The following CTTN variants were observed in gnomAD, a reference collection of about 807,000 sequenced individuals.
CTTN encodes src substrate cortactin.
Under a neutral mutation model 84.0 loss-of-function variants are expected in CTTN, and 28 were observed. The ratio of observed to expected loss-of-function variants is 0.33; its 90% CI spans 0.25 to 0.46. The LOEUF is 0.46. Among genes scored for constraint, CTTN ranks in the 20% least tolerant of loss-of-function variants. CTTN has a pLI of 1.00. For missense variants in CTTN, 641 were observed against 723.8 expected (o/e 0.89, Z 1.31); for synonymous variants, 301 against 288.8 (o/e 1.04, Z -0.43).
At chr11:70,412,939 A>G (rs1021217517) in intron 5 of CTTN, among the ~76,000 whole-genome samples, 1 of 151,792 alleles carries the variant, frequency 6.6e-6, no homozygotes, top group African/African-American at 2.4e-5. Flanking sequence ...TCTGATGAAA[A>G]CTCATGCTGG....
At chr11:70,416,936 C>A (rs1463443544) in intron 7 of CTTN, 77 bp from the exon 8 acceptor site, 21 of 1,026,724 alleles carry the variant, frequency 2.0e-5, no homozygotes, top group African/African-American at 3.2e-5. Flanking sequence ...CCCCTACACA[C>A]TTTTGCTTAG....
chr11:70,415,614 A>G lies in CTTN; in HGVS notation c.403-49A>G, dbSNP rs766704508. The G allele has an allele frequency of 2.7e-6, 4 of 1,469,258 alleles. No individual in the cohort carries two copies. In the South Asian group the frequency reaches 3.4e-5, roughly 13 times the overall value. 91.0% of individuals were successfully genotyped at this position (1,469,258 alleles called of 1,614,324 possible). On this transcript the variant is annotated intron_variant, in intron 6 of 17. Coordinates refer to ENST00000301843, the MANE Select transcript of CTTN (RefSeq NM_005231.4). Reference sequence around the variant, plus strand: ...AATTCAGAGAGATTGTTTCAGGGACATTGGAAAGTATTTCTCCCCACTTTT... The same window carrying G: ...AATTCAGAGAGATTGTTTCAGGGACGTTGGAAAGTATTTCTCCCCACTTTT...
chr11:70,420,502 C>A lies in CTTN; in HGVS notation c.782C>A (p.Ser261Tyr), dbSNP rs1409145344. 3 of 1,612,346 alleles carry A rather than the reference C, an allele frequency of 1.9e-6. No homozygotes were observed. Among genetic ancestry groups the A allele is most frequent in the Non-Finnish European group, 2.5e-6 (3 of 1,178,352 alleles). Residue 261 changes from serine (S) to tyrosine (Y), a missense_variant, in exon 10 of 18, where the codon TCC becomes TAC. By Grantham distance (144) the Ser-to-Tyr change is moderately radical (BLOSUM62 -2). This residue lies in a region of CTTN where 284 missense variants were observed against 348.4 expected (regional missense o/e 0.82). Transcript: ENST00000301843. ...CAGGAGAAATTGCAGCTGCATGAAT[C>A]CCAAAAAGGTACATTCACTCTGCCT... is the stretch of plus-strand genomic sequence containing the variant. Reference protein sequence around the residue: ...DHQEKLQLHESQKDYKTGFGG... With the variant: ...DHQEKLQLHEYQKDYKTGFGG...
At position 70,433,156 on chromosome 11, in the gene CTTN, A is replaced by T; in HGVS notation, c.1322A>T (p.Glu441Val). ...LSYRGPVSGT[E>V]PEPVYSMEAA... ...TACAGAGGCCCTGTGAGTGGGACGG[A>T]GCCGGAGCCCGTGTACAGCATGGAG... The change falls in exon 16 of 18, where the codon GAG (glutamate) becomes GTG (valine). Residue 441 changes from glutamate (E) to valine (V), a missense_variant. By Grantham distance (121) the Glu-to-Val change is moderately radical. Coordinates refer to ENST00000301843, the MANE Select transcript of CTTN (RefSeq NM_005231.4). 4 of 1,613,772 alleles carry T rather than the reference A, an allele frequency of 2.5e-6. No homozygotes were observed. The East Asian group carries it at 8.9e-5, about 36-fold the overall frequency.
In CTTN at chr11:70,433,674, A is replaced by T; in HGVS notation, c.1472A>T (p.Asn491Ile). 6.2e-7 allele frequency: 1 copy of T among 1,613,844 alleles called. No homozygotes were observed. The highest frequency in any genetic ancestry group is 2.2e-5 in the East Asian group (1 of 44,842). Residue 491 changes from asparagine (N) to isoleucine (I), a missense_variant, in exon 17 of 18, where the codon AAC becomes ATC. By Grantham distance (149) the Asn-to-Ile change is moderately radical (BLOSUM62 -3). Transcript: ENST00000301843. ...AEDSTYDEYE[N>I]DLGITAVALY... ...GACAGCACCTACGATGAGTACGAGAACGATCTGGGGATCACAGCCGTCGCC... is the reference window on the plus strand; with the variant it reads ...GACAGCACCTACGATGAGTACGAGATCGATCTGGGGATCACAGCCGTCGCC...
chr11:70,417,112 A>T lies in CTTN; in HGVS notation c.557A>T (p.Glu186Val), dbSNP rs2058172559. The change falls in exon 8 of 18, where the codon GAG becomes GTG. Residue 186 changes from glutamate (E) to valine (V), a missense_variant. Glu to Val is a moderately radical substitution (Grantham distance 121, BLOSUM62 -2). This residue lies in a region of CTTN where 284 missense variants were observed against 348.4 expected (regional missense o/e 0.82). Transcript: ENST00000301843. ...FDYQGKTEKH[E>V]SQRDYSKGFG... The stretch of plus-strand genomic sequence containing the variant: ...TACCAGGGCAAGACGGAGAAGCACG[A>T]GTCACAGAGAGGTGGGGCGGACCCC... 1 of 1,613,830 alleles carries T rather than the reference A, an allele frequency of 6.2e-7. No homozygotes were observed. The highest frequency in any genetic ancestry group is 8.5e-7 in the Non-Finnish European group (1 of 1,179,818).
Position 70,435,706 on chromosome 11 carries a change from A to G in CTTN, c.*544A>G. On this transcript the variant is annotated 3_prime_UTR_variant, in exon 18 of 18. Transcript: ENST00000301843. Reference sequence around the variant, plus strand: ...ACAGGAGCTGCCATGTCAGATGGGAAATCTGCCTATGTCATACCGTGACAG... The same window carrying G: ...ACAGGAGCTGCCATGTCAGATGGGAGATCTGCCTATGTCATACCGTGACAG... 1 of 1,597,964 alleles carries G rather than the reference A, an allele frequency of 6.3e-7. No homozygotes were observed. Among genetic ancestry groups the G allele is most frequent in the African/African-American group, 1.3e-5 (1 of 75,036 alleles).
At position 70,419,802 on chromosome 11, in the gene CTTN, A is replaced by G; in HGVS notation, c.625A>G (p.Ser209Gly). The change falls in exon 9 of 18, where the codon AGC (serine) becomes GGC (glycine). Residue 209 changes from serine to glycine, a missense_variant. Ser to Gly is a moderately conservative substitution (Grantham distance 56). This residue lies in a region of CTTN where 284 missense variants were observed against 348.4 expected (regional missense o/e 0.82). Transcript: ENST00000301843. ...TATCGACAAGGACAAAGTGGATAAGAGCGCCGTTGGCTTTGAGTATCAAGG... is the reference window on the plus strand; with the variant it reads ...TATCGACAAGGACAAAGTGGATAAGGGCGCCGTTGGCTTTGAGTATCAAGG... ...YGIDKDKVDKSAVGFEYQGKT... is the reference protein window; with the variant it reads ...YGIDKDKVDKGAVGFEYQGKT... 1 of 1,613,246 alleles carries G rather than the reference A, an allele frequency of 6.2e-7. No homozygotes were observed.
intron 7 of CTTN, 189 bp from the exon 8 acceptor site, chr11:70,416,824 C>A: frequency 6.9e-6 from 4 of 578,904 alleles, no homozygotes; most frequent in East Asian, 2.9e-5. Context: ...AGAACCCCCC[C>A]ATGCACCTGT....
chr11:70,412,073 T>C (rs11822038), intron 5 of CTTN, among the ~76,000 whole-genome samples: 16,785 of 152,170 alleles, frequency 0.11, 3,141 homozygotes, highest in African/African-American at 0.38. Flanking sequence ...CAGTCCCAGC[T>C]GGCATCGGGG....
intron 14 of CTTN, among the ~76,000 whole-genome samples, chr11:70,430,672 C>T (rs566037075): frequency 6.6e-6 from 1 of 152,340 alleles, no homozygotes; most frequent in South Asian, 2.1e-4. Flanking sequence ...CCCAGTTCAT[C>T]CTTTGGCCCC....
chr11:70,412,708 GCTTC>G (rs1467164417), intron 5 of CTTN, among the ~76,000 whole-genome samples: 1 of 152,128 alleles, frequency 6.6e-6, no homozygotes. Context: ...CGCGGGGCAG[GCTTC>G]CTTCTTGATC....
At chr11:70,426,537 A>G (rs1273831005) in intron 13 of CTTN, among the ~76,000 whole-genome samples, 1 of 151,926 alleles carries the variant, frequency 6.6e-6, no homozygotes, top group Admixed American at 6.5e-5. Context: ...CTCTTGCCTC[A>G]GCCTCTGGAG....
chr11:70,414,482 G>A, intron 5 of CTTN, 60 bp from the exon 6 acceptor site: 1 of 1,257,152 alleles, frequency 8.0e-7, no homozygotes, highest in Non-Finnish European at 1.2e-6. Context: ...TGCTCTGGGA[G>A]GAAGTGAAGC....
intron 13 of CTTN, among the ~76,000 whole-genome samples, chr11:70,427,903 T>A (rs943818643): frequency 1.3e-5 from 2 of 152,260 alleles, no homozygotes; most frequent in Admixed American, 6.5e-5. Context: ...ATTTTCCCGT[T>A]GGCAACAAAT....
intron 12 of CTTN, among the ~76,000 whole-genome samples, chr11:70,423,944 AGCTGGAGGG>A (rs1311677261): frequency 1.3e-5 from 2 of 151,778 alleles, no homozygotes; most frequent in African/African-American, 4.8e-5. Flanking sequence ...TCCTGAAGAG[AGCTGGAGGG>A]GCTCGGGTGG....
chr11:70,425,068 C>G (rs967202984), intron 12 of CTTN, among the ~76,000 whole-genome samples: 4 of 152,060 alleles, frequency 2.6e-5, no homozygotes, highest in African/African-American at 9.7e-5. Context: ...GAGGCTGATC[C>G]CAGAATTGGT....
chr11:70,435,985 G>A lies in CTTN; in HGVS notation c.*823G>A. On this transcript the variant is annotated 3_prime_UTR_variant, in exon 18 of 18. Transcript: ENST00000301843. Reference sequence around the variant, plus strand: ...TTTCACAAAGGCTGATGTCTTAACTGTCACCCATATGGTCCCTGGGCCACC... The same window carrying A: ...TTTCACAAAGGCTGATGTCTTAACTATCACCCATATGGTCCCTGGGCCACC... 1 of 1,430,548 alleles carries A rather than the reference G, an allele frequency of 7.0e-7. No homozygotes were observed. The highest frequency in any genetic ancestry group is 9.1e-7 in the Non-Finnish European group (1 of 1,099,176). The allele number at this position is 1,430,548 out of a possible 1,614,324, so 88.6% of individuals were successfully genotyped here. A position where few individuals can be genotyped will look rare whatever the true frequency, so the allele number is the denominator to read the frequency against.
chr11:70,433,890 C>T (rs73520204), intron 17 of CTTN, among the ~76,000 whole-genome samples, 172 bp downstream of exon 17: 10 of 152,148 alleles, frequency 6.6e-5, no homozygotes, highest in Admixed American at 6.5e-5. Flanking sequence ...CTCCCATGTT[C>T]CCTACCCGGA....
Sources: gnomAD v4.1 joint callset for allele counts (sites outside exome capture counted in the v4.1 genomes callset) on GRCh38, gnomAD v4.1.1 for gene constraint, gnomAD v4.1.1 regional missense constraint, MANE v1.5 for transcripts, NCBI Gene and HGNC (gene_info 2026-07-23, HGNC 2026-07-21) for gene names.